The following RAMP1 variants were observed in gnomAD, a reference collection of about 807,000 sequenced individuals.
RAMP1 encodes receptor activity modifying protein 1, also known as receptor activity-modifying protein 1.
A neutral mutation model predicts 8.2 loss-of-function variants in RAMP1; 7 were observed. The ratio of observed to expected loss-of-function variants is 0.85; its 90% CI spans 0.49 to 1.60. The LOEUF (loss-of-function observed/expected upper bound fraction) is 1.60, where lower values mean the gene tolerates loss of function less well. Among genes scored for constraint, RAMP1 ranks in the 40% most tolerant of loss-of-function variants. The probability of loss-of-function intolerance (pLI) is 0.00; values close to 1 mark genes in which losing one functional copy is unlikely to be tolerated. For missense variants in RAMP1, 192 were observed against 202.4 expected (o/e 0.95, Z 0.31); for synonymous variants, 92 against 84.7 (o/e 1.09, Z -0.47).
chr2:237,898,881 C>T (rs973444289), intron 2 of RAMP1, among the ~76,000 whole-genome samples: 1 of 152,208 alleles, frequency 6.6e-6, no homozygotes, highest in Non-Finnish European at 1.5e-5. Context: ...AGTGGCCAGC[C>T]CCTCCCTGCT....
Position 237,877,484 on chromosome 2 carries a change from C to A in RAMP1, c.191+122C>A. The A allele has an allele frequency of 7.4e-7, 1 of 1,352,086 alleles. No individual in the cohort carries two copies. Among genetic ancestry groups the A allele is most frequent in the Non-Finnish European group, 9.9e-7 (1 of 1,011,556 alleles). 83.8% of individuals were successfully genotyped at this position (1,352,086 alleles called of 1,614,324 possible). A position where few individuals can be genotyped will look rare whatever the true frequency, so the allele number is the denominator to read the frequency against. On this transcript the variant is annotated intron_variant, in intron 2 of 2. Transcript: ENST00000254661. This position sits in a 1 kb window ranked among gnomAD's most constrained non-coding sequence, Gnocchi z 4.4. ...TTCTAGACCCCGGAAGGGTTCTTCC[C>A]CCAGTGGGGGGGGCCGGGATGAAGA...
intron 2 of RAMP1, among the ~76,000 whole-genome samples, chr2:237,894,369 C>T (rs1197766518): frequency 6.6e-6 from 1 of 152,260 alleles, no homozygotes; most frequent in Non-Finnish European, 1.5e-5. Context: ...CATTAACTCA[C>T]CTCTTTACAG....
intron 1 of RAMP1, among the ~76,000 whole-genome samples, chr2:237,871,478 G>A (rs2062244545): frequency 6.6e-6 from 1 of 152,174 alleles, no homozygotes; most frequent in Non-Finnish European, 1.5e-5. Flanking sequence ...CAGAGGCCTC[G>A]CAACCCACCA....
intron 2 of RAMP1, among the ~76,000 whole-genome samples, chr2:237,883,829 AAG>A (rs1404127424): frequency 2.8e-5 from 4 of 142,656 alleles, no homozygotes; most frequent in African/African-American, 5.8e-5. Flanking sequence ...AAAAAAAAAA[AAG>A]AAAAGAAAAG....
intron 2 of RAMP1, among the ~76,000 whole-genome samples, chr2:237,910,352 C>A (rs2062697655): frequency 6.6e-6 from 1 of 151,268 alleles, no homozygotes; most frequent in Non-Finnish European, 1.5e-5. Context: ...CAGTCACACA[C>A]ACACACAATC....
chr2:237,899,153 C>G (rs1029058991), intron 2 of RAMP1, among the ~76,000 whole-genome samples: 2 of 152,156 alleles, frequency 1.3e-5, no homozygotes, highest in African/African-American at 2.4e-5. Context: ...TCGCTGCAAC[C>G]TCCGCCTCCC....
chr2:237,907,453 A>G (rs1311604928), intron 2 of RAMP1, among the ~76,000 whole-genome samples: 1 of 151,968 alleles, frequency 6.6e-6, no homozygotes, highest in African/African-American at 2.4e-5. Flanking sequence ...GTTGAGGTTG[A>G]TGTCATTTAT....
intron 1 of RAMP1, among the ~76,000 whole-genome samples, chr2:237,870,935 T>C (rs146196125): frequency 6.6e-6 from 1 of 152,334 alleles, no homozygotes; most frequent in Non-Finnish European, 1.5e-5. Flanking sequence ...GTAGAGGCTC[T>C]GAGCCCGAGA....
intron 2 of RAMP1, among the ~76,000 whole-genome samples, chr2:237,884,106 C>T (rs913119191): frequency 1.3e-5 from 2 of 151,944 alleles, no homozygotes; most frequent in African/African-American, 4.8e-5. Flanking sequence ...GTCAGGTTGT[C>T]TGTTGTGAGC....
chr2:237,877,908 C>A lies in RAMP1; in HGVS notation c.191+546C>A. 2 of 973,300 alleles carry A rather than the reference C, an allele frequency of 2.1e-6. No homozygotes were observed. The highest frequency in any genetic ancestry group is 1.2e-6 in the Non-Finnish European group (1 of 818,884). 60.3% of individuals were successfully genotyped at this position (973,300 alleles called of 1,614,324 possible). On this transcript the variant is annotated intron_variant, in intron 2 of 2. Coordinates refer to ENST00000254661, the MANE Select transcript of RAMP1 (RefSeq NM_005855.4). The surrounding 1 kb of genome is among the most constrained non-coding windows in gnomAD (Gnocchi z 4.4). ...ATCCTCCTGCCCAAGGGCCCTTCTT[C>A]CCGCTTGAGGGGCTCCCTCATTGCC...
chr2:237,902,333 G>A (rs1181059381), intron 2 of RAMP1, among the ~76,000 whole-genome samples: 1 of 147,990 alleles, frequency 6.8e-6, no homozygotes, highest in Admixed American at 6.7e-5. Context: ...GAGGGATCAG[G>A]GGGTGGAGGA....
chr2:237,866,503 G>A (rs1180477356), intron 1 of RAMP1, among the ~76,000 whole-genome samples: 1 of 152,064 alleles, frequency 6.6e-6, no homozygotes, highest in Non-Finnish European at 1.5e-5. Context: ...CTGAGTAGGG[G>A]AGTGACAGCA....
At chr2:237,870,958 G>A (rs1048065317) in intron 1 of RAMP1, among the ~76,000 whole-genome samples, 1 of 152,226 alleles carries the variant, frequency 6.6e-6, no homozygotes, top group Non-Finnish European at 1.5e-5. Context: ...GGGGACAGTG[G>A]GCTGGAATGC....
intron 1 of RAMP1, among the ~76,000 whole-genome samples, chr2:237,867,047 TG>T (rs2062194526): frequency 1.3e-5 from 2 of 152,056 alleles, no homozygotes; most frequent in South Asian, 4.1e-4. Flanking sequence ...ATTCTTATAA[TG>T]AAGTAAGCTA....
chr2:237,901,211 G>A (rs1017279287), intron 2 of RAMP1, among the ~76,000 whole-genome samples: 6 of 152,216 alleles, frequency 3.9e-5, no homozygotes, highest in African/African-American at 7.2e-5. Flanking sequence ...TCCCTCTCTC[G>A]CTGTCTTCCT....
At chr2:237,885,428 C>T (rs559199018) in intron 2 of RAMP1, among the ~76,000 whole-genome samples, 1 of 152,382 alleles carries the variant, frequency 6.6e-6, no homozygotes, top group South Asian at 2.1e-4. Context: ...CTGGGGCTGC[C>T]TCGGTGCCCT....
rs559280951 is a variant in RAMP1 at position 237,894,652 on chromosome 2, A to G, written c.192-16876A>G. Among the ~76,000 whole-genome samples the G allele has an allele frequency of 9.5e-4, 144 of 152,262 alleles. 1 individual carries two copies. The highest frequency in any genetic ancestry group is 3.2e-3 in the African/African-American group (133 of 41,568). Reference sequence around the variant, plus strand: ...AGAAGCCAGGCGGGGCTGAGGCTCTATGGGTCCCCACCACACTTATTTATT... The same window carrying G: ...AGAAGCCAGGCGGGGCTGAGGCTCTGTGGGTCCCCACCACACTTATTTATT... On this transcript the variant is annotated intron_variant, in intron 2 of 2. Coordinates refer to ENST00000254661, the MANE Select transcript of RAMP1 (RefSeq NM_005855.4).
In RAMP1 at chr2:237,878,230, G is replaced by A. The variant is rs542176612; in HGVS notation, c.191+868G>A. 112 of 954,638 alleles carry A rather than the reference G, an allele frequency of 1.2e-4. No individual in the cohort carries two copies. The South Asian group carries it at 4.5e-3, about 38-fold the overall frequency. The allele number at this position is 954,638 out of a possible 1,614,324, so 59.1% of individuals were successfully genotyped here. On this transcript the variant is annotated intron_variant, in intron 2 of 2. Coordinates refer to ENST00000254661, the MANE Select transcript of RAMP1 (RefSeq NM_005855.4). This position sits in a 1 kb window ranked among gnomAD's most constrained non-coding sequence, Gnocchi z 5.7. Reference sequence around the variant, plus strand: ...GCAGCGCAAGTCCTGGTGCCCCACCGATGACAAGCGCTTTCCCCAGTGCCT... The same window carrying A: ...GCAGCGCAAGTCCTGGTGCCCCACCAATGACAAGCGCTTTCCCCAGTGCCT...
intron 1 of RAMP1, among the ~76,000 whole-genome samples, chr2:237,866,207 A>G (rs1241547093): frequency 6.6e-6 from 1 of 151,800 alleles, no homozygotes; most frequent in Non-Finnish European, 1.5e-5. Context: ...TGACTCATTC[A>G]GTGTCTAGGA....
Sources: gnomAD v4.1 joint callset for allele counts (sites outside exome capture counted in the v4.1 genomes callset) on GRCh38, gnomAD v4.1.1 for gene constraint, Gnocchi (gnomAD v3.1) non-coding constraint, MANE v1.5 for transcripts, NCBI Gene and HGNC (gene_info 2026-07-23, HGNC 2026-07-21) for gene names.